IL17RC: variants seen among roughly 807,000 people sequenced by gnomAD.
IL17RC encodes interleukin-17 receptor C.
Under a neutral mutation model 86.7 loss-of-function variants are expected in IL17RC, and 53 were observed. That is an observed-to-expected ratio of 0.61 (90% CI 0.49 to 0.77). The LOEUF is 0.77. IL17RC is among the 30% of genes least tolerant of loss of function. The pLI is 0.00. For synonymous variants in IL17RC, 439 were observed against 413.1 expected (o/e 1.06, Z -0.76); for missense variants, 957 against 940.0 (o/e 1.02, Z -0.24).
intron 7 of IL17RC, among the ~76,000 whole-genome samples, chr3:9,923,619 G>C (rs2083781814): frequency 6.6e-6 from 1 of 152,026 alleles, no homozygotes; most frequent in Non-Finnish European, 1.5e-5. Flanking sequence ...AGAGGAAAAT[G>C]ACTTGTTTTA....
chr3:9,932,502 A>G (rs1363539121), intron 16 of IL17RC, 106 bp from the exon 17 acceptor site: 5 of 1,022,914 alleles, frequency 4.9e-6, no homozygotes, highest in Non-Finnish European at 4.6e-6. Flanking sequence ...CTGGGATTAT[A>G]TAAAGGCATG....
rs564184546 is a variant in IL17RC, at chr3:9,930,426, A to T, written c.1305A>T (p.Leu435Phe). ...STRAARLGEYLLQDLQSGQCL... is the reference protein window; with the variant it reads ...STRAARLGEYFLQDLQSGQCL... ...GGGCAGCTCGCCTTGGAGAGTACTT[A>T]CTACAAGACCTGCAGTCAGGCCAGT... Residue 435 changes from leucine to phenylalanine, a missense_variant, in exon 15 of 19, where the codon TTA (leucine) becomes TTT (phenylalanine). Transcript: ENST00000403601. This position sits in a 1 kb window ranked among gnomAD's most constrained non-coding sequence, Gnocchi z 5.8. 2 of 1,614,046 alleles carry T rather than the reference A, an allele frequency of 1.2e-6. No homozygotes were observed. Among genetic ancestry groups the T allele is most frequent in the African/African-American group, 2.7e-5 (2 of 75,020 alleles).
chr3:9,917,473 C>T, intron 1 of IL17RC, 53 bp downstream of exon 1: 1 of 1,614,212 alleles, frequency 6.2e-7, no homozygotes, highest in Non-Finnish European at 8.5e-7. Context: ...CAGTTTTTGG[C>T]TCAGCAAAGC....
chr3:9,928,149 C>T lies in IL17RC; in HGVS notation c.823-17C>T. ...GCCCATGGAGGGGACCTGAGCAGAC[C>T]CCCATTTCCTTTCCAGGTGTGGCCT... On this transcript the variant is annotated splice_polypyrimidine_tract_variant and intron_variant, in intron 9 of 18. Transcript: ENST00000403601. 4 of 1,613,874 alleles carry T rather than the reference C, an allele frequency of 2.5e-6. No individual in the cohort carries two copies. Among genetic ancestry groups the T allele is most frequent in the South Asian group, 1.1e-5 (1 of 91,072 alleles).
Position 9,930,626 on chromosome 3 carries a change from C to G in IL17RC, c.1338+167C>G, listed in dbSNP as rs1475238070. On this transcript the variant is annotated intron_variant, in intron 15 of 18. Coordinates refer to ENST00000403601, the MANE Select transcript of IL17RC (RefSeq NM_153460.4). The surrounding 1 kb of genome is among the most constrained non-coding windows in gnomAD (Gnocchi z 5.8). ...AAGGAGCACACTGTTGGCTAGACAC[C>G]CATAAACAGATAACCACACCTACAG... 5.5e-6 allele frequency: 4 copies of G among 728,230 alleles called. No individual in the cohort carries two copies. The Admixed American group carries it at 7.8e-5, about 14-fold the overall frequency. The allele number at this position is 728,230 out of a possible 1,614,324, so 45.1% of individuals were successfully genotyped here.
rs145374241 is a variant in IL17RC at position 9,923,958 on chromosome 3, G to T, written c.700G>T (p.Gly234Cys). ...VLNVSEEQHF[G>C]LSLYWNQVQG... ...GAATGTCTCTGAGGAGCAGCACTTC[G>T]GCCTCTCCCTGTACTGGAATCAGGT... Residue 234 changes from glycine (G) to cysteine (C), a missense_variant, in exon 8 of 19, where the codon GGC (glycine) becomes TGC (cysteine). Transcript: ENST00000403601. 3.7e-6 allele frequency: 6 copies of T among 1,613,972 alleles called. No individual in the cohort carries two copies. In the Admixed American group the frequency reaches 1.0e-4, roughly 27 times the overall value.
intron 9 of IL17RC, 72 bp from the exon 10 acceptor site, chr3:9,928,094 C>A (rs991073070): frequency 1.4e-6 from 2 of 1,414,632 alleles, no homozygotes; most frequent in Non-Finnish European, 2.0e-6. Flanking sequence ...ATGAGTGCAT[C>A]CCCACTGTCC....
rs1454424730 is a variant in IL17RC, at chr3:9,928,583, G to A, written c.1063G>A (p.Val355Ile). 4 of 1,613,702 alleles carry A rather than the reference G, an allele frequency of 2.5e-6. No individual in the cohort carries two copies. The highest frequency in any genetic ancestry group is 3.4e-6 in the Non-Finnish European group (4 of 1,180,030). The change falls in exon 12 of 19, where the codon GTT becomes ATT. Residue 355 changes from valine to isoleucine, a missense_variant. Coordinates refer to ENST00000403601, the MANE Select transcript of IL17RC (RefSeq NM_153460.4). The part of the protein sequence containing the change: ...LSWENVTVDK[V>I]LEFPLLKGHP... ...ACCCATTCCTCTCTTTCCACAGAAG[G>A]TTCTCGAGTTCCCATTGCTGAAAGG... is the stretch of plus-strand genomic sequence containing the variant.
At chr3:9,925,792 G>A (rs1022285779) in intron 9 of IL17RC, among the ~76,000 whole-genome samples, 1 of 151,004 alleles carries the variant, frequency 6.6e-6, no homozygotes, top group African/African-American at 2.4e-5. Context: ...GCCTCTCCTA[G>A]CTCCAAATCC....
chr3:9,924,211 C>T, intron 8 of IL17RC, 21 bp from the exon 9 acceptor site: 1 of 1,613,966 alleles, frequency 6.2e-7, no homozygotes, highest in East Asian at 2.2e-5. Flanking sequence ...CTCCAACCTC[C>T]TTCCTTTATT....
At chr3:9,928,545 C>G in intron 11 of IL17RC, 35 bp from the exon 12 acceptor site, 2 of 1,613,822 alleles carry the variant, frequency 1.2e-6, no homozygotes, top group Non-Finnish European at 1.7e-6. Flanking sequence ...CGGGGGTCCC[C>G]TTTTGTGATC....
At chr3:9,925,214 C>T (rs2083948418) in intron 9 of IL17RC, among the ~76,000 whole-genome samples, 1 of 50,066 alleles carries the variant, frequency 2.0e-5, no homozygotes, top group African/African-American at 8.8e-5. Context: ...CTCCTGGGTT[C>T]ACGCCATTCT....
chr3:9,933,299 C>A lies in IL17RC; in HGVS notation c.1869C>A (p.Gly623=). 6.2e-7 allele frequency: 1 copy of A among 1,604,366 alleles called. No homozygotes were observed. The highest frequency in any genetic ancestry group is 8.5e-7 in the Non-Finnish European group (1 of 1,175,596). The change falls in exon 19 of 19, where the codon GGC becomes GGA. Residue 623 remains glycine (G), a synonymous_variant. Coordinates refer to ENST00000403601, the MANE Select transcript of IL17RC (RefSeq NM_153460.4). The part of the protein sequence containing the change: ...LSCVLPDFLQ[G]RAPGSYVGAC... ...GCGTGCTGCCCGACTTCTTGCAGGG[C>A]CGGGCGCCCGGCAGCTACGTGGGGG...
Position 9,930,369 on chromosome 3 carries a change from G to A in IL17RC, c.1279-31G>A. 6.2e-7 allele frequency: 1 copy of A among 1,613,462 alleles called. No homozygotes were observed. The highest frequency in any genetic ancestry group is 1.1e-5 in the South Asian group (1 of 91,062). On this transcript the variant is annotated intron_variant, in intron 14 of 18. Coordinates refer to ENST00000403601, the MANE Select transcript of IL17RC (RefSeq NM_153460.4). This position sits in a 1 kb window ranked among gnomAD's most constrained non-coding sequence, Gnocchi z 5.8. ...GCTGCCCTAAGGGTGCTACCTCCAG[G>A]TAACAGTGCCCCCATCCTTTGGCTT... is the stretch of plus-strand genomic sequence containing the variant.
rs757905894 is a variant in IL17RC at position 9,933,507 on chromosome 3, G to C, written c.2077G>C (p.Asp693His). The change falls in exon 19 of 19, where the codon GAT (aspartate) becomes CAT (histidine). Residue 693 changes from aspartate to histidine, a missense_variant. By Grantham distance (81) the Asp-to-His change is moderately conservative. Transcript: ENST00000403601. ...QVSRALQPAL[D>H]SYFHPPGTPA... is the part of the protein sequence containing the mutation. Reference sequence around the variant, plus strand: ...GTCCCGGGCCCTTCAGCCAGCCCTGGATAGCTACTTCCATCCCCCGGGGAC... The same window carrying C: ...GTCCCGGGCCCTTCAGCCAGCCCTGCATAGCTACTTCCATCCCCCGGGGAC... 1 of 1,611,078 alleles carries C rather than the reference G, an allele frequency of 6.2e-7. No homozygotes were observed.
intron 7 of IL17RC, among the ~76,000 whole-genome samples, chr3:9,923,049 G>A (rs1421874115): frequency 6.6e-6 from 1 of 151,768 alleles, no homozygotes; most frequent in African/African-American, 2.4e-5. Context: ...GGTGGCAGGC[G>A]CCTGTAGTCC....
chr3:9,926,616 T>G (rs943303983), intron 9 of IL17RC, among the ~76,000 whole-genome samples: 6 of 150,900 alleles, frequency 4.0e-5, no homozygotes, highest in Non-Finnish European at 7.4e-5. Flanking sequence ...GTGTTTTTGT[T>G]TTTTTTTTGT....
intron 16 of IL17RC, among the ~76,000 whole-genome samples, chr3:9,931,723 TC>T (rs954605409): frequency 6.6e-6 from 1 of 151,698 alleles, no homozygotes; most frequent in East Asian, 1.9e-4. Flanking sequence ...GCCAGGCTGG[TC>T]TTGAACTCCT....
Position 9,923,803 on chromosome 3 carries a change from G to C in IL17RC, c.623-78G>C, listed in dbSNP as rs2125195520. 4 of 1,518,292 alleles carry C rather than the reference G, an allele frequency of 2.6e-6. No homozygotes were observed. The South Asian group carries it at 4.7e-5, about 18-fold the overall frequency. The allele number at this position is 1,518,292 out of a possible 1,614,324, so 94.1% of individuals were successfully genotyped here. ...AGCCTCCCAGTCTAGGGGGTTTGAAGGAAACTCCAAAGGGTCAGTCGGGGA... is the reference window on the plus strand; with the variant it reads ...AGCCTCCCAGTCTAGGGGGTTTGAACGAAACTCCAAAGGGTCAGTCGGGGA... On this transcript the variant is annotated intron_variant, in intron 7 of 18. Transcript: ENST00000403601.
Sources: gnomAD v4.1 joint callset for allele counts (sites outside exome capture counted in the v4.1 genomes callset) on GRCh38, gnomAD v4.1.1 for gene constraint, Gnocchi (gnomAD v3.1) non-coding constraint, MANE v1.5 for transcripts, NCBI Gene and HGNC (gene_info 2026-07-23, HGNC 2026-07-21) for gene names.